The following ACOT7 variants were observed in gnomAD, a reference collection of about 807,000 sequenced individuals.
ACOT7 encodes the protein cytosolic acyl coenzyme A thioester hydrolase.
A neutral mutation model predicts 40.2 loss-of-function variants in ACOT7; 12 were observed. That is an observed-to-expected ratio of 0.30 (90% CI 0.19 to 0.48). The LOEUF (loss-of-function observed/expected upper bound fraction) is 0.48. ACOT7 is among the 20% of genes least tolerant of loss of function. The probability of loss-of-function intolerance (pLI) is 0.99; values close to 1 mark genes in which losing one functional copy is unlikely to be tolerated. For missense variants in ACOT7, 395 were observed against 530.8 expected (o/e 0.74, Z 2.51); for synonymous variants, 228 against 219.5 (o/e 1.04, Z -0.34).
At chr1:6,316,964 G>A (rs529962266) in intron 6 of ACOT7, among the ~76,000 whole-genome samples, 1 of 152,306 alleles carries the variant, frequency 6.6e-6, no homozygotes, top group African/African-American at 2.4e-5. Context: ...GGTGTCCCTG[G>A]TAGAAATATA....
At chr1:6,285,519 A>G (rs72854313) in intron 7 of ACOT7, among the ~76,000 whole-genome samples, 3,880 of 152,252 alleles carry the variant, frequency 0.025, 162 homozygotes, top group African/African-American at 0.087. Context: ...TAATTCCTCC[A>G]TGGCGCAGCC....
In ACOT7 at chr1:6,353,402, C is replaced by T. The variant is rs147893105; in HGVS notation, c.144-3536G>A. Reference sequence around the variant, plus strand: ...ATCCCAGCACTTACAGAGGCCGAGGCGGGGGCGGATCACTTGAGGTCAGGA... The same window carrying T: ...ATCCCAGCACTTACAGAGGCCGAGGTGGGGGCGGATCACTTGAGGTCAGGA... On this transcript the variant is annotated intron_variant, in intron 1 of 8. Coordinates refer to ENST00000361521, the MANE Select transcript of ACOT7 (RefSeq NM_007274.4). Among the ~76,000 whole-genome samples the T allele has an allele frequency of 3.8e-3, 578 of 152,084 alleles. 4 individuals carry two copies. Among genetic ancestry groups the T allele is most frequent in the African/African-American group, 0.013 (551 of 41,492 alleles).
Position 6,340,028 on chromosome 1 carries a change from C to T in ACOT7, c.262-439G>A, listed in dbSNP as rs975126371. ...TCACCCAGGCTGGAGTGCAGTGGTG[C>T]GATCTCCCCTCACTGCAAGCGCCGC... is the stretch of plus-strand genomic sequence containing the variant. On this transcript the variant is annotated intron_variant, in intron 2 of 8. Transcript: ENST00000361521. Among the ~76,000 whole-genome samples the T allele has an allele frequency of 2.5e-4, 37 of 145,614 alleles. 1 individual carries two copies. The highest frequency in any genetic ancestry group is 7.5e-4 in the African/African-American group (28 of 37,348).
chr1:6,336,997 C>T (rs1330838350), intron 3 of ACOT7, among the ~76,000 whole-genome samples: 2 of 152,240 alleles, frequency 1.3e-5, no homozygotes, highest in African/African-American at 4.8e-5. Flanking sequence ...CCCTGCCCAG[C>T]CCCTGCTACA....
chr1:6,291,453 C>A (rs987269117), intron 7 of ACOT7, among the ~76,000 whole-genome samples: 16 of 152,170 alleles, frequency 1.1e-4, no homozygotes, highest in African/African-American at 3.9e-4. Context: ...GGGACCTTGG[C>A]CCTGCTGACG....
rs3029068 is a variant in ACOT7 at position 6,336,333 on chromosome 1, CAAAAAAAAAA to C, written c.419-2775_419-2766del. ...TGCACGACAGAGCAAGACTCGGTCT[CAAAAAAAAAA>C]AAAAAAAAAAAAAAATCTCTTAAAA... On this transcript the variant is annotated intron_variant, in intron 3 of 8. Coordinates refer to ENST00000361521, the MANE Select transcript of ACOT7 (RefSeq NM_007274.4). Among the ~76,000 whole-genome samples, 4 of 52,764 alleles carry C rather than the reference CAAAAAAAAAA, an allele frequency of 7.6e-5. No homozygotes were observed. The Admixed American group carries it at 8.0e-4, about 11-fold the overall frequency. 34.6% of individuals were successfully genotyped at this position (52,764 alleles called of 152,430 possible). A position where few individuals can be genotyped will look rare whatever the true frequency, so the allele number is the denominator to read the frequency against.
rs534341779 is a variant in ACOT7, at chr1:6,359,013, G to C, written c.144-9147C>G. 8.5e-7 allele frequency: 1 copy of C among 1,183,168 alleles called. No individual in the cohort carries two copies. The highest frequency in any genetic ancestry group is 1.1e-6 in the Non-Finnish European group (1 of 875,330). The allele number at this position is 1,183,168 out of a possible 1,614,324, so 73.3% of individuals were successfully genotyped here. A position where few individuals can be genotyped will look rare whatever the true frequency, so the allele number is the denominator to read the frequency against. On this transcript the variant is annotated intron_variant, in intron 1 of 8. Transcript: ENST00000361521. This position sits in a 1 kb window ranked among gnomAD's most constrained non-coding sequence, Gnocchi z 4.1. ...GAGCTGCCCAATCTGGCCAGGAAGA[G>C]GCTGCCTCGCCAATCCAGAGCGTCT...
At chr1:6,349,187 T>C (rs1641518117) in intron 2 of ACOT7, among the ~76,000 whole-genome samples, 1 of 151,994 alleles carries the variant, frequency 6.6e-6, no homozygotes, top group Non-Finnish European at 1.5e-5. Flanking sequence ...TCCCCAGCTT[T>C]AGGGTCACAG....
At chr1:6,387,094 T>C (rs1642451710) in intron 1 of ACOT7, among the ~76,000 whole-genome samples, 1 of 152,102 alleles carries the variant, frequency 6.6e-6, no homozygotes, top group Non-Finnish European at 1.5e-5. Flanking sequence ...GGCCCAGCAC[T>C]GAGCTCGATC....
In ACOT7 at chr1:6,281,149, C is replaced by T. The variant is rs548336852; in HGVS notation, c.967G>A (p.Val323Met). Residue 323 changes from valine (V) to methionine (M), a missense_variant, in exon 8 of 9, where the codon GTG becomes ATG. Transcript: ENST00000361521. ...GACCTGCCTTCCTGGCTCAGCGACA[C>T]GTAGGTGAAGAAGGCACTGGCGGCC... ...YRAASAFFTY[V>M]SLSQEGRSLP... 2.5e-6 allele frequency: 4 copies of T among 1,614,002 alleles called. No individual in the cohort carries two copies. The highest frequency in any genetic ancestry group is 3.4e-6 in the Non-Finnish European group (4 of 1,180,050).
chr1:6,345,715 G>GCATCCAGAC (rs1641401594), intron 2 of ACOT7, among the ~76,000 whole-genome samples: 1 of 152,214 alleles, frequency 6.6e-6, no homozygotes, highest in South Asian at 2.1e-4. Flanking sequence ...CGGCAGCTCT[G>GCATCCAGAC]AGGATGCAGC....
rs1028747161 is a variant in ACOT7 at position 6,288,748 on chromosome 1, C to T, written c.829+6116G>A. On this transcript the variant is annotated intron_variant, in intron 7 of 8. Transcript: ENST00000361521. This position sits in a 1 kb window ranked among gnomAD's most constrained non-coding sequence, Gnocchi z 4.3. ...GCAGGGTGGCAGTGGCCTCCATGGC[C>T]GCGGGTGAGGCCTCTCCCAGCCACG... Among the ~76,000 whole-genome samples the T allele has an allele frequency of 5.1e-4, 78 of 152,234 alleles. No individual in the cohort carries two copies. Among genetic ancestry groups the T allele is most frequent in the African/African-American group, 1.5e-3 (62 of 41,550 alleles).
At position 6,278,685 on chromosome 1, in the gene ACOT7, T is replaced by C. The variant is rs7550096; in HGVS notation, c.1014+2417A>G. On this transcript the variant is annotated intron_variant, in intron 8 of 8. Coordinates refer to ENST00000361521, the MANE Select transcript of ACOT7 (RefSeq NM_007274.4). The surrounding 1 kb of genome is among the most constrained non-coding windows in gnomAD (Gnocchi z 4.1). ...CAGGCGATGCTCGAGGCACAGACCA[T>C]GGATCTGACCACCCCAGGAGAGAAG... Among the ~76,000 whole-genome samples the C allele has an allele frequency of 8.3e-3, 1,259 of 152,266 alleles. 13 individuals are homozygous for C. Among genetic ancestry groups the C allele is most frequent in the African/African-American group, 0.029 (1,199 of 41,530 alleles).
chr1:6,273,767 G>A (rs1639110225), intron 8 of ACOT7, among the ~76,000 whole-genome samples: 2 of 152,256 alleles, frequency 1.3e-5, no homozygotes, highest in African/African-American at 2.4e-5. Context: ...CCATCCCAGG[G>A]CGAGTGCAGA....
intron 2 of ACOT7, among the ~76,000 whole-genome samples, chr1:6,348,618 T>C (rs1379370117): frequency 1.3e-5 from 2 of 152,204 alleles, no homozygotes; most frequent in African/African-American, 4.8e-5. Context: ...CAGGAAGTGA[T>C]GTGACATCTA....
At chr1:6,296,484 C>T (rs1389201320) in intron 6 of ACOT7, among the ~76,000 whole-genome samples, 3 of 151,466 alleles carry the variant, frequency 2.0e-5, no homozygotes, top group Non-Finnish European at 4.4e-5. Flanking sequence ...AGTGCACTGG[C>T]GCGATCTCCG....
chr1:6,304,997 G>A (rs1421039760), intron 6 of ACOT7, among the ~76,000 whole-genome samples: 4 of 148,790 alleles, frequency 2.7e-5, no homozygotes, highest in Admixed American at 6.6e-5. Flanking sequence ...CTCACCTCCC[G>A]GACGGGGCGG....
intron 6 of ACOT7, among the ~76,000 whole-genome samples, chr1:6,297,112 C>T (rs763986504): frequency 6.6e-6 from 1 of 152,016 alleles, no homozygotes; most frequent in Non-Finnish European, 1.5e-5. Context: ...AATCTCAGCT[C>T]CCTGCAACCT....
In ACOT7 at chr1:6,270,768, G is replaced by A. The variant is rs115611873; in HGVS notation, c.1015-6073C>T. 5.5e-3 allele frequency among the ~76,000 whole-genome samples: 841 copies of A among 152,346 alleles called. 5 individuals are homozygous for A. Among genetic ancestry groups the A allele is most frequent in the African/African-American group, 0.019 (801 of 41,590 alleles). On this transcript the variant is annotated intron_variant, in intron 8 of 8. Coordinates refer to ENST00000361521, the MANE Select transcript of ACOT7 (RefSeq NM_007274.4). ...CCCTGGTGCATGTGTGTGTGTCTGT[G>A]TGGTGGTCCTGCTGTCCTCAGAAAT...
Sources: gnomAD v4.1 joint callset for allele counts (sites outside exome capture counted in the v4.1 genomes callset) on GRCh38, gnomAD v4.1.1 for gene constraint, Gnocchi (gnomAD v3.1) non-coding constraint, MANE v1.5 for transcripts, NCBI Gene and HGNC (gene_info 2026-07-23, HGNC 2026-07-21) for gene names.